The following PARD6G variants were observed in gnomAD, a reference collection of about 807,000 sequenced individuals.
PARD6G encodes par-6 family cell polarity regulator gamma, also known as partitioning defective 6 homolog gamma.
PARD6G carries 7 observed loss-of-function variants against 10.7 expected under a neutral mutation model. The ratio of observed to expected loss-of-function variants is 0.66; its 90% confidence interval spans 0.37 to 1.23. The LOEUF is 1.23. Among genes scored for constraint, PARD6G ranks in the 50% most tolerant of loss-of-function variants. The pLI is 0.02. For synonymous variants in PARD6G, 287 were observed against 269.4 expected, an observed-to-expected ratio of 1.07 and a Z score of -0.64; for missense variants, 548 against 571.8, an observed-to-expected ratio of 0.96 and a Z score of 0.42.
At chr18:80,235,862 G>T (rs1967416101) in intron 1 of PARD6G, among the ~76,000 whole-genome samples, 7 of 152,134 alleles carry the variant, frequency 4.6e-5, no homozygotes, top group Admixed American at 4.6e-4. Flanking sequence ...ATAATTAATA[G>T]CTTAGCAACC....
At chr18:80,238,269 C>G (rs1318719212) in intron 1 of PARD6G, among the ~76,000 whole-genome samples, 4 of 152,056 alleles carry the variant, frequency 2.6e-5, no homozygotes, top group Non-Finnish European at 4.4e-5. Context: ...CATGTTCTCA[C>G]TCATAGGTGG....
At position 80,180,152 on chromosome 18, in the gene PARD6G, T is replaced by A. The variant is rs543917429; in HGVS notation, c.296-19546A>T. 1.3e-5 allele frequency among the ~76,000 whole-genome samples: 2 copies of A among 152,328 alleles called. No homozygotes were observed. Among genetic ancestry groups the A allele is most frequent in the African/African-American group, 4.8e-5 (2 of 41,584 alleles). ...GGTGAACCAGGGCCCGGGACGGGAATGGCCATTGGTGTGTCAGCTGCTCAC... is the reference window on the plus strand; with the variant it reads ...GGTGAACCAGGGCCCGGGACGGGAAAGGCCATTGGTGTGTCAGCTGCTCAC... On this transcript the variant is annotated intron_variant, in intron 2 of 2. Transcript: ENST00000353265. The surrounding 1 kb of genome is among the most constrained non-coding windows in gnomAD (Gnocchi z 5.6).
intron 2 of PARD6G, among the ~76,000 whole-genome samples, chr18:80,165,619 A>T (rs1315197456): frequency 6.6e-6 from 1 of 152,340 alleles, no homozygotes; most frequent in South Asian, 2.1e-4. Flanking sequence ...AATGTCCATG[A>T]AATCTTCACA....
chr18:80,238,404 A>C (rs530109845), intron 1 of PARD6G, among the ~76,000 whole-genome samples: 2 of 152,030 alleles, frequency 1.3e-5, no homozygotes, highest in Admixed American at 6.6e-5. Context: ...TGATGAGTTA[A>C]TGGGTGCAGC....
intron 2 of PARD6G, 152 bp downstream of exon 2, chr18:80,202,558 T>C: frequency 1.6e-6 from 1 of 616,308 alleles, no homozygotes; most frequent in Admixed American, 3.0e-5. Flanking sequence ...TTTTGTCTAT[T>C]AATGCTGATG....
In PARD6G at chr18:80,160,422, C is replaced by T. The variant is rs2052691206; in HGVS notation, c.480G>A (p.Arg160=). Reference sequence around the variant, plus strand: ...GCTTCTCGCAGCCGTGCCGGTGCAGCCGCACTCGCCGGTGCGTCTCGGGGA... The same window carrying T: ...GCTTCTCGCAGCCGTGCCGGTGCAGTCGCACTCGCCGGTGCGTCTCGGGGA... ...DLVPETHRRV[R]LHRHGCEKPL... Residue 160 remains arginine (R), a synonymous_variant, in exon 3 of 3, where the codon CGG becomes CGA. Transcript: ENST00000353265. 6.3e-7 allele frequency: 1 copy of T among 1,593,310 alleles called. No individual in the cohort carries two copies. The highest frequency in any genetic ancestry group is 2.3e-5 in the East Asian group (1 of 43,948).
intron 2 of PARD6G, among the ~76,000 whole-genome samples, chr18:80,177,216 G>GCGCACACA (rs1555734808): frequency 2.1e-5 from 1 of 48,134 alleles, no homozygotes; most frequent in African/African-American, 1.9e-4. Flanking sequence ...TAAATGGGAA[G>GCGCACACA]CGCACACACA....
chr18:80,167,709 C>T (rs1445651507), intron 2 of PARD6G, among the ~76,000 whole-genome samples: 7 of 152,152 alleles, frequency 4.6e-5, no homozygotes, highest in Middle Eastern at 3.4e-3. Flanking sequence ...CTAAGATGAA[C>T]GCCCAGGGGA....
intron 2 of PARD6G, among the ~76,000 whole-genome samples, chr18:80,198,473 T>C (rs1046836106): frequency 3.9e-5 from 6 of 152,232 alleles, no homozygotes; most frequent in East Asian, 1.9e-4. Context: ...ATTTAGGATA[T>C]TGGAATGCAA....
At position 80,181,343 on chromosome 18, in the gene PARD6G, C is replaced by T. The variant is rs762313096; in HGVS notation, c.296-20737G>A. ...TGGGATGTCTGCGGAAGCTGTGGTCCCGATGCCACACACGCCAAGGCAGGC... is the reference window on the plus strand; with the variant it reads ...TGGGATGTCTGCGGAAGCTGTGGTCTCGATGCCACACACGCCAAGGCAGGC... On this transcript the variant is annotated intron_variant, in intron 2 of 2. Transcript: ENST00000353265. This position sits in a 1 kb window ranked among gnomAD's most constrained non-coding sequence, Gnocchi z 7.9. 5.3e-5 allele frequency among the ~76,000 whole-genome samples: 8 copies of T among 152,174 alleles called. No homozygotes were observed. Among genetic ancestry groups the T allele is most frequent in the Non-Finnish European group, 7.3e-5 (5 of 68,028 alleles).
rs746854958 is a variant in PARD6G at position 80,227,644 on chromosome 18, G to A, written c.72+19633C>T. On this transcript the variant is annotated intron_variant, in intron 1 of 2. Coordinates refer to ENST00000353265, the MANE Select transcript of PARD6G (RefSeq NM_032510.4). ...GTCAAACTTGAGTGGCAGCCACTGG[G>A]TCACACACACCAGGTAGTGTTCCAC... Among the ~76,000 whole-genome samples the A allele has an allele frequency of 2.3e-4, 35 of 152,234 alleles. 1 individual carries two copies. Among genetic ancestry groups the A allele is most frequent in the Non-Finnish European group, 7.3e-5 (5 of 68,044 alleles).
chr18:80,159,837 G>T lies in PARD6G; in HGVS notation c.1065C>A (p.Asp355Glu). ...LQRLLSSLRADPRHSLALPPG... is the reference protein window; with the variant it reads ...LQRLLSSLRAEPRHSLALPPG... ...GCGGCAGCGCCAGGCTGTGACGGGG[G>T]TCGGCCCGCAGGGAGCTGAGCAGCC... The change falls in exon 3 of 3, where the codon GAC becomes GAA. Residue 355 changes from aspartate (D) to glutamate (E), a missense_variant. Physicochemically the swap from Asp to Glu is conservative, Grantham distance 45. Around this residue, in one of 2 missense-constraint regions of PARD6G, gnomAD observed 313 missense variants for 279.9 expected, o/e 1.12. Coordinates refer to ENST00000353265, the MANE Select transcript of PARD6G (RefSeq NM_032510.4). 4 of 1,492,156 alleles carry T rather than the reference G, an allele frequency of 2.7e-6. No homozygotes were observed. Among genetic ancestry groups the T allele is most frequent in the South Asian group, 1.3e-5 (1 of 76,786 alleles). 92.4% of individuals were successfully genotyped at this position (1,492,156 alleles called of 1,614,324 possible).
At chr18:80,243,329 A>T (rs1182842575) in intron 1 of PARD6G, among the ~76,000 whole-genome samples, 1 of 152,132 alleles carries the variant, frequency 6.6e-6, no homozygotes, top group South Asian at 2.1e-4. Flanking sequence ...GTTAGAGGGG[A>T]AGCCGGCTAC....
In PARD6G at chr18:80,231,931, C is replaced by G. The variant is rs1160926387; in HGVS notation, c.72+15346G>C. ...GGATAGTAAGCCTGTTTTGGGCTCA[C>G]ACTGTGGGCCTGAGCTGCTGGCAGA... On this transcript the variant is annotated intron_variant, in intron 1 of 2. Coordinates refer to ENST00000353265, the MANE Select transcript of PARD6G (RefSeq NM_032510.4). This position sits in a 1 kb window ranked among gnomAD's most constrained non-coding sequence, Gnocchi z 4.2. 6.6e-6 allele frequency among the ~76,000 whole-genome samples: 1 copy of G among 152,166 alleles called. No individual in the cohort carries two copies. Among genetic ancestry groups the G allele is most frequent in the Non-Finnish European group, 1.5e-5 (1 of 68,042 alleles).
chr18:80,195,438 C>T (rs1281232555), intron 2 of PARD6G, among the ~76,000 whole-genome samples: 1 of 151,344 alleles, frequency 6.6e-6, no homozygotes, highest in Non-Finnish European at 1.5e-5. Flanking sequence ...GGAAAGCAGC[C>T]TCCCCCTGCA....
intron 2 of PARD6G, among the ~76,000 whole-genome samples, chr18:80,176,558 G>C (rs1015478663): frequency 4.6e-5 from 7 of 152,294 alleles, no homozygotes; most frequent in African/African-American, 1.7e-4. Flanking sequence ...AGAAAGGCAG[G>C]CAACAGTTAA....
In PARD6G at chr18:80,191,298, C is replaced by T. The variant is rs564041916; in HGVS notation, c.295+11412G>A. On this transcript the variant is annotated intron_variant, in intron 2 of 2. Coordinates refer to ENST00000353265, the MANE Select transcript of PARD6G (RefSeq NM_032510.4). ...TGTCGGGGCAGCAGCTGCCCAGATG[C>T]GTGGCCACAGCCCAGGCCTGGCAGA... is the stretch of plus-strand genomic sequence containing the variant. 1.6e-4 allele frequency among the ~76,000 whole-genome samples: 24 copies of T among 152,278 alleles called. 1 individual carries two copies. In the South Asian group the frequency reaches 4.6e-3, roughly 29 times the overall value.
intron 1 of PARD6G, among the ~76,000 whole-genome samples, chr18:80,214,605 G>C (rs986308882): frequency 1.3e-5 from 2 of 152,134 alleles, no homozygotes; most frequent in African/African-American, 4.8e-5. Context: ...CTCAACAGCA[G>C]ATTAGAGATG....
At position 80,200,634 on chromosome 18, in the gene PARD6G, C is replaced by T. The variant is rs1038241652; in HGVS notation, c.295+2076G>A. On this transcript the variant is annotated intron_variant, in intron 2 of 2. Coordinates refer to ENST00000353265, the MANE Select transcript of PARD6G (RefSeq NM_032510.4). This position sits in a 1 kb window ranked among gnomAD's most constrained non-coding sequence, Gnocchi z 4.4. The stretch of plus-strand genomic sequence containing the variant: ...TGGCGACACGCTCACGCTATAACCA[C>T]GAGAGACTGAGAAACCCTGAGCCAG... Among the ~76,000 whole-genome samples, 2 of 152,272 alleles carry T rather than the reference C, an allele frequency of 1.3e-5. No individual in the cohort carries two copies. The highest frequency in any genetic ancestry group is 2.4e-5 in the African/African-American group (1 of 41,552).
Sources: allele counts gnomAD v4.1 joint callset (sites outside exome capture counted in the v4.1 genomes callset), GRCh38; gene constraint gnomAD v4.1.1; regional missense constraint gnomAD v4.1.1; non-coding constraint Gnocchi (gnomAD v3.1); transcripts MANE v1.5; gene names NCBI Gene and HGNC (gene_info 2026-07-23, HGNC 2026-07-21).